MAP4K4: variants seen among roughly 807,000 people sequenced by gnomAD.
The protein encoded by MAP4K4 is mitogen-activated protein kinase kinase kinase kinase 4, also known as HPK/GCK-like kinase HGK.
Under a neutral mutation model 189.6 loss-of-function variants are expected in MAP4K4, and 38 were observed. That is an observed-to-expected ratio of 0.20 (90% CI 0.15 to 0.26). MAP4K4 has a LOEUF of 0.26. Among genes scored for constraint, MAP4K4 ranks in the 10% least tolerant of loss-of-function variants. The probability of loss-of-function intolerance (pLI) is 1.00; values close to 1 mark genes in which losing one functional copy is unlikely to be tolerated. For synonymous variants in MAP4K4, 610 were observed against 624.3 expected (o/e 0.98, Z 0.34); for missense variants, 1,054 against 1,726.9 (o/e 0.61, Z 6.91).
At chr2:101,757,217 T>C (rs1249491514) in intron 2 of MAP4K4, among the ~76,000 whole-genome samples, 1 of 152,240 alleles carries the variant, frequency 6.6e-6, no homozygotes, top group African/African-American at 2.4e-5. Flanking sequence ...GAAATAATTA[T>C]AGTTTGACAG....
intron 2 of MAP4K4, among the ~76,000 whole-genome samples, chr2:101,704,572 T>A (rs1475496289): frequency 1.7e-5 from 1 of 60,470 alleles, no homozygotes; most frequent in African/African-American, 5.8e-5. Flanking sequence ...TATATATTTT[T>A]TTTTTTTTTT....
chr2:101,834,172 T>G, intron 7 of MAP4K4, among the ~76,000 whole-genome samples: 1 of 141,068 alleles, frequency 7.1e-6, no homozygotes, highest in East Asian at 2.1e-4. Flanking sequence ...CTTCCTTTCC[T>G]TCCCTCCCTT....
At chr2:101,769,112 A>G (rs571650200) in intron 2 of MAP4K4, among the ~76,000 whole-genome samples, 1 of 152,304 alleles carries the variant, frequency 6.6e-6, no homozygotes, top group Admixed American at 6.5e-5. Flanking sequence ...TTTGTTTGTT[A>G]TATCACTTCC....
intron 27 of MAP4K4, among the ~76,000 whole-genome samples, chr2:101,877,943 G>A (rs1418343535): frequency 6.6e-6 from 1 of 152,042 alleles, no homozygotes; most frequent in Admixed American, 6.6e-5. Context: ...TAGAGACAGG[G>A]TTTCACCATG....
chr2:101,767,511 G>A (rs2079134464), intron 2 of MAP4K4, among the ~76,000 whole-genome samples: 1 of 152,196 alleles, frequency 6.6e-6, no homozygotes, highest in South Asian at 2.1e-4. Context: ...TTGCTTTGGC[G>A]TGTCTTTGGC....
chr2:101,765,404 T>C (rs1370780027), intron 2 of MAP4K4, among the ~76,000 whole-genome samples: 3 of 152,210 alleles, frequency 2.0e-5, no homozygotes, highest in African/African-American at 7.2e-5. Context: ...ATCACGGCTC[T>C]CTGCAGCCAC....
chr2:101,830,509 A>T (rs2096564325), intron 6 of MAP4K4, among the ~76,000 whole-genome samples: 1 of 152,218 alleles, frequency 6.6e-6, no homozygotes, highest in Admixed American at 6.5e-5. Context: ...CTTTATGTTT[A>T]TATGGGTCTG....
chr2:101,865,167 A>G (rs1294425217), intron 18 of MAP4K4, 131 bp downstream of exon 18: 7 of 592,028 alleles, frequency 1.2e-5, no homozygotes, highest in African/African-American at 1.1e-4. Flanking sequence ...TAAAAGGAAA[A>G]GCTGCCATAA....
At chr2:101,831,672 T>C in intron 6 of MAP4K4, 49 bp from the exon 7 acceptor site, 1 of 1,553,914 alleles carries the variant, frequency 6.4e-7, no homozygotes, top group Non-Finnish European at 8.7e-7. Flanking sequence ...TATATCTGGT[T>C]TGTAGTTGTG....
chr2:101,794,307 C>T (rs1178537680), intron 3 of MAP4K4, among the ~76,000 whole-genome samples: 3 of 152,144 alleles, frequency 2.0e-5, no homozygotes, highest in African/African-American at 7.2e-5. Flanking sequence ...AATATTATAA[C>T]TTAAGTACAT....
Position 101,844,886 on chromosome 2 carries a change from A to G in MAP4K4, c.1233+575A>G, listed in dbSNP as rs113989928. ...AAACCACCATGGCACACGTTTACCT[A>G]TGTAACAAACCACGTTCTGCAGTGT... On this transcript the variant is annotated intron_variant, in intron 12 of 32. Coordinates refer to ENST00000324219, the Ensembl canonical transcript of MAP4K4. Among the ~76,000 whole-genome samples, 320 of 152,224 alleles carry G rather than the reference A, an allele frequency of 2.1e-3. 2 individuals are homozygous for G. Among genetic ancestry groups the G allele is most frequent in the Middle Eastern group, 0.01 (3 of 294 alleles).
chr2:101,756,476 C>T (rs915443801), intron 2 of MAP4K4, among the ~76,000 whole-genome samples: 1 of 152,164 alleles, frequency 6.6e-6, no homozygotes, highest in African/African-American at 2.4e-5. Flanking sequence ...GAGGTGCATA[C>T]AGGTCATTAG....
chr2:101,871,821 C>T lies in MAP4K4; in HGVS notation c.2952+136C>T. ...TGCTTTCTCTGTCACCTACCCTTCT[C>T]CCCAACCCCAAGTAACATGTTTCAG... On this transcript the variant is annotated intron_variant, in intron 24 of 32. Transcript: ENST00000324219. 4 of 750,654 alleles carry T rather than the reference C, an allele frequency of 5.3e-6. No homozygotes were observed. The Admixed American group carries it at 8.6e-5, about 16-fold the overall frequency. The allele number at this position is 750,654 out of a possible 1,614,324, so 46.5% of individuals were successfully genotyped here.
intron 3 of MAP4K4, 91 bp from the exon 4 acceptor site, chr2:101,823,837 G>A (rs984059403): frequency 8.9e-7 from 1 of 1,127,084 alleles, no homozygotes. Flanking sequence ...TGGAGAACTT[G>A]TGTTCCTTTC....
At chr2:101,883,241 C>G (rs1359897196) in intron 28 of MAP4K4, among the ~76,000 whole-genome samples, 2 of 152,202 alleles carry the variant, frequency 1.3e-5, no homozygotes, top group Non-Finnish European at 2.9e-5. Flanking sequence ...GCCCAGCTGG[C>G]CAGTCAGTGT....
intron 19 of MAP4K4, among the ~76,000 whole-genome samples, 182 bp from the exon 20 acceptor site, chr2:101,867,030 A>C (rs1184039210): frequency 6.6e-6 from 1 of 151,758 alleles, no homozygotes; most frequent in African/African-American, 2.4e-5. Flanking sequence ...GGTTTAAGTA[A>C]AGAGTCAGGA....
intron 2 of MAP4K4, among the ~76,000 whole-genome samples, chr2:101,728,386 A>C (rs1398750507): frequency 6.6e-6 from 1 of 152,194 alleles, no homozygotes; most frequent in East Asian, 1.9e-4. Context: ...CTTTGAGATA[A>C]AATTATTTGA....
At chr2:101,697,815 C>T (rs1573626928) in exon 1 of MAP4K4, 1 of 144,896 alleles carries the variant, frequency 6.9e-6, no homozygotes, top group South Asian at 2.1e-4. Flanking sequence ...CGCCCGGGGG[C>T]CTGACGGCCG....
At position 101,839,931 on chromosome 2, in the gene MAP4K4, A is replaced by C. The variant is rs375034064; in HGVS notation, c.886A>C (p.Arg296=). ...TTTTATAAGGGATCAGCCAAATGAAAGGCAAGTTAGAATCCAGCTTAAGGA... is the reference window on the plus strand; with the variant it reads ...TTTTATAAGGGATCAGCCAAATGAACGGCAAGTTAGAATCCAGCTTAAGGA... The change falls in exon 10 of 33, where the codon AGG becomes CGG. Residue 296 remains arginine (R), a synonymous_variant. Transcript: ENST00000324219. The C allele has an allele frequency of 8.6e-5, 138 of 1,613,988 alleles. No individual in the cohort carries two copies. The African/African-American group carries it at 1.6e-3, about 19-fold the overall frequency.
Sources: gnomAD v4.1 joint callset for allele counts (sites outside exome capture counted in the v4.1 genomes callset) on GRCh38, gnomAD v4.1.1 for gene constraint, MANE v1.5 for transcripts, NCBI Gene and HGNC (gene_info 2026-07-23, HGNC 2026-07-21) for gene names.